BCAR3: variants seen among roughly 807,000 people sequenced by gnomAD.
BCAR3 encodes BCAR3 adaptor protein, NSP family member, also known as breast cancer anti-estrogen resistance protein 3.
A neutral mutation model predicts 80.1 loss-of-function variants in BCAR3; 37 were observed. The ratio of observed to expected loss-of-function variants is 0.46; its 90% CI spans 0.36 to 0.61. The LOEUF is 0.61. Among genes scored for constraint, BCAR3 ranks in the 20% least tolerant of loss-of-function variants. BCAR3 has a pLI of 0.00. For synonymous variants in BCAR3, 389 were observed against 418.9 expected (o/e 0.93, Z 0.87); for missense variants, 978 against 1,068.2 (o/e 0.92, Z 1.18).
intron 2 of BCAR3, among the ~76,000 whole-genome samples, chr1:93,710,831 C>T (rs571757559): frequency 6.6e-6 from 1 of 152,340 alleles, no homozygotes; most frequent in African/African-American, 2.4e-5. Context: ...CTCACATATT[C>T]TTTGGATCAT....
chr1:93,564,290 C>CTTTTT (rs35780346), intron 11 of BCAR3, among the ~76,000 whole-genome samples: 36 of 103,482 alleles, frequency 3.5e-4, no homozygotes, highest in Non-Finnish European at 4.8e-4. Context: ...TTCTTTCTTT[C>CTTTTT]TTTTTTTTTT....
chr1:93,718,555 T>C (rs1258076856), intron 2 of BCAR3, among the ~76,000 whole-genome samples: 1 of 152,046 alleles, frequency 6.6e-6, no homozygotes, highest in Non-Finnish European at 1.5e-5. Context: ...TCCTCAACTA[T>C]AAAATGGAGA....
Position 93,592,701 on chromosome 1 carries a change from C to A in BCAR3, c.358-308G>T, listed in dbSNP as rs1674262931. On this transcript the variant is annotated intron_variant, in intron 3 of 11. Transcript: ENST00000260502. This position sits in a 1 kb window ranked among gnomAD's most constrained non-coding sequence, Gnocchi z 4.8. The stretch of plus-strand genomic sequence containing the variant: ...TGTACAGACAGCAAGACACAGCAGC[C>A]CAGCCTGCTCTCTTCCCAGCGGAGA... Among the ~76,000 whole-genome samples, 1 of 152,166 alleles carries A rather than the reference C, an allele frequency of 6.6e-6. No homozygotes were observed. Among genetic ancestry groups the A allele is most frequent in the African/African-American group, 2.4e-5 (1 of 41,442 alleles).
intron 3 of BCAR3, among the ~76,000 whole-genome samples, chr1:93,601,043 C>T (rs1674605082): frequency 6.6e-6 from 1 of 152,104 alleles, no homozygotes; most frequent in Admixed American, 6.5e-5. Flanking sequence ...TGACCTTGGG[C>T]CATCTCTACA....
rs115571177 is a variant in BCAR3, at chr1:93,563,711, G to A, written c.2300-1292C>T. On this transcript the variant is annotated intron_variant, in intron 11 of 11. Transcript: ENST00000260502. The stretch of plus-strand genomic sequence containing the variant: ...TATCATTTTTTATTTTTATTTTTTT[G>A]AGAAGGAGTCTCGCTGTGTTGCCCA... Among the ~76,000 whole-genome samples the A allele has an allele frequency of 2.9e-3, 442 of 151,810 alleles. 5 individuals carry two copies. Among genetic ancestry groups the A allele is most frequent in the Non-Finnish European group, 5.2e-3 (352 of 67,956 alleles).
intron 2 of BCAR3, among the ~76,000 whole-genome samples, chr1:93,755,553 A>G (rs1392670711): frequency 6.6e-6 from 1 of 152,246 alleles, no homozygotes; most frequent in South Asian, 2.1e-4. Flanking sequence ...GTACAGTAAC[A>G]TGCTGTAAAG....
At chr1:93,771,363 T>C (rs924795471) in intron 2 of BCAR3, among the ~76,000 whole-genome samples, 1 of 152,194 alleles carries the variant, frequency 6.6e-6, no homozygotes, top group African/African-American at 2.4e-5. Flanking sequence ...AGACACGACA[T>C]AGGGCAACTT....
chr1:93,742,215 G>C (rs569145372), intron 2 of BCAR3, among the ~76,000 whole-genome samples: 1 of 152,280 alleles, frequency 6.6e-6, no homozygotes, highest in South Asian at 2.1e-4. Context: ...AGAAGACTTA[G>C]GAATAGGAGA....
At chr1:93,843,288 G>C (rs544528052) in intron 2 of BCAR3, among the ~76,000 whole-genome samples, 1 of 152,096 alleles carries the variant, frequency 6.6e-6, no homozygotes, top group Non-Finnish European at 1.5e-5. Flanking sequence ...ATGTCCCTCC[G>C]GTTGCAACAA....
chr1:93,818,849 C>T (rs1006696448), intron 2 of BCAR3, among the ~76,000 whole-genome samples: 6 of 152,140 alleles, frequency 3.9e-5, no homozygotes, highest in African/African-American at 1.2e-4. Context: ...CACTGGAATA[C>T]AGCCCCATGG....
intron 3 of BCAR3, 125 bp downstream of exon 3, chr1:93,642,179 T>G: frequency 1.8e-6 from 2 of 1,090,868 alleles, no homozygotes; most frequent in Non-Finnish European, 2.8e-6. Flanking sequence ...TCCTCCCTGT[T>G]GTTTTGGAGA....
intron 2 of BCAR3, among the ~76,000 whole-genome samples, chr1:93,815,018 T>C (rs1319712528): frequency 1.3e-5 from 2 of 152,242 alleles, no homozygotes; most frequent in African/African-American, 2.4e-5. Context: ...TAACTATTTA[T>C]GGAGCACCAG....
Position 93,582,811 on chromosome 1 carries a change from C to T in BCAR3, c.1176G>A (p.Leu392=), listed in dbSNP as rs1673771570. 2 of 1,613,912 alleles carry T rather than the reference C, an allele frequency of 1.2e-6. No individual in the cohort carries two copies. The highest frequency in any genetic ancestry group is 1.7e-6 in the Non-Finnish European group (2 of 1,180,034). Residue 392 remains leucine, a synonymous_variant, in exon 7 of 12, where the codon CTG becomes CTA. Coordinates refer to ENST00000260502, the MANE Select transcript of BCAR3 (RefSeq NM_003567.4). ...GGCACAGTTGACTGTCTGATCCCCT[C>T]AGCGCCTCCCCAGCCCTGGCGTCTG... ...VSSDARAGEA[L]RGSDSQLCPK...
At chr1:93,796,861 A>T (rs2100782401) in intron 2 of BCAR3, among the ~76,000 whole-genome samples, 1 of 152,290 alleles carries the variant, frequency 6.6e-6, no homozygotes, top group Admixed American at 6.5e-5. Context: ...TTGGATTCCA[A>T]ATATTATTAT....
chr1:93,747,807 C>A (rs1193433829), intron 2 of BCAR3, among the ~76,000 whole-genome samples: 3 of 151,694 alleles, frequency 2.0e-5, no homozygotes, highest in African/African-American at 2.4e-5. Context: ...CCACTTCCCC[C>A]AGTGTGCTAT....
chr1:93,724,253 C>CCA (rs1650504177), intron 2 of BCAR3, among the ~76,000 whole-genome samples: 1 of 152,144 alleles, frequency 6.6e-6, no homozygotes, highest in African/African-American at 2.4e-5. Context: ...TCCAGCCTCT[C>CCA]AGGTGGGGAC....
chr1:93,643,208 C>A (rs1327136557), intron 2 of BCAR3, among the ~76,000 whole-genome samples: 1 of 140,958 alleles, frequency 7.1e-6, no homozygotes, highest in Non-Finnish European at 1.5e-5. Context: ...GCCTGGGCAA[C>A]AAGAGTGAAA....
At chr1:93,619,070 C>T (rs147387677) in intron 3 of BCAR3, among the ~76,000 whole-genome samples, 2,824 of 150,528 alleles carry the variant, frequency 0.019, 42 homozygotes, top group Middle Eastern at 0.041. Context: ...TCCCGAGTAG[C>T]TGGGACTACA....
chr1:93,632,094 T>C (rs1470575279), intron 3 of BCAR3, among the ~76,000 whole-genome samples: 1 of 152,204 alleles, frequency 6.6e-6, no homozygotes, highest in Non-Finnish European at 1.5e-5. Flanking sequence ...AGCTGACAGG[T>C]ACACCTCATA....
Sources: gnomAD v4.1 joint callset for allele counts (sites outside exome capture counted in the v4.1 genomes callset) on GRCh38, gnomAD v4.1.1 for gene constraint, Gnocchi (gnomAD v3.1) non-coding constraint, MANE v1.5 for transcripts, NCBI Gene and HGNC (gene_info 2026-07-23, HGNC 2026-07-21) for gene names.